Variants in NEMF observed in about 807,000 individuals in gnomAD.
NEMF encodes nuclear export mediator factor, also known as ribosome quality control complex subunit NEMF.
Under a neutral mutation model 162.2 loss-of-function variants are expected in NEMF, and 89 were observed. The observed-to-expected ratio is 0.55, with a 90% confidence interval of 0.46 to 0.65. The LOEUF (loss-of-function observed/expected upper bound fraction) is 0.65. Ranked by LOEUF, NEMF falls within the 30% of genes least tolerant of loss-of-function variation. NEMF has a pLI of 0.00. For missense variants in NEMF, 1,133 were observed against 1,261.9 expected, an observed-to-expected ratio of 0.90 and a Z score of 1.55; for synonymous variants, 421 against 404.5, an observed-to-expected ratio of 1.04 and a Z score of -0.49.
chr14:49,833,783 G>A (rs554633581), intron 7 of NEMF, among the ~76,000 whole-genome samples: 1 of 152,106 alleles, frequency 6.6e-6, no homozygotes, highest in South Asian at 2.1e-4. Flanking sequence ...AATTATTTTT[G>A]GAATCTTTAT....
chr14:49,794,942 T>A (rs1312592638), intron 26 of NEMF, among the ~76,000 whole-genome samples: 1 of 151,986 alleles, frequency 6.6e-6, no homozygotes, highest in Non-Finnish European at 1.5e-5. Context: ...GGTCTTGAAC[T>A]CCTGGCCTCA....
intron 4 of NEMF, among the ~76,000 whole-genome samples, chr14:49,845,506 T>G (rs1893455890): frequency 6.6e-6 from 1 of 152,230 alleles, no homozygotes; most frequent in Non-Finnish European, 1.5e-5. Flanking sequence ...CTTTATAAAC[T>G]TTAAACTTTT....
chr14:49,834,507 G>GT, intron 6 of NEMF, 58 bp from the exon 7 acceptor site: 1 of 1,286,500 alleles, frequency 7.8e-7, no homozygotes, highest in Non-Finnish European at 1.1e-6. Flanking sequence ...TTTTGTTTTT[G>GT]TTTTTTGAGA....
Position 49,838,143 on chromosome 14 carries a change from T to G in NEMF, c.570A>C (p.Leu190Phe). The change falls in exon 6 of 33, where the codon TTA becomes TTC. Residue 190 changes from leucine (L) to phenylalanine (F), a missense_variant. Leu to Phe is a conservative substitution (Grantham distance 22). Around this residue, in one of 3 missense-constraint regions of NEMF, gnomAD observed 582 missense variants for 631.5 expected, o/e 0.92. Transcript: ENST00000298310. ...GCTATTTGCAGGAATACTCACGAAGTAATGGGTTAAGCACCCTCTTCAGTA... is the reference window on the plus strand; with the variant it reads ...GCTATTTGCAGGAATACTCACGAAGGAATGGGTTAAGCACCCTCTTCAGTA... ...GELLKRVLNP[L>F]LPYGPALIEH... The G allele has an allele frequency of 6.2e-7, 1 of 1,610,296 alleles. No individual in the cohort carries two copies. The highest frequency in any genetic ancestry group is 8.5e-7 in the Non-Finnish European group (1 of 1,177,056).
intron 19 of NEMF, 53 bp from the exon 20 acceptor site, chr14:49,803,347 T>C: frequency 7.7e-7 from 1 of 1,299,444 alleles, no homozygotes; most frequent in South Asian, 1.3e-5. Flanking sequence ...ACTCTAGTTT[T>C]CTTTTTCCAC....
At chr14:49,851,743 A>T (rs1002047693) in intron 2 of NEMF, 64 bp downstream of exon 2, 154 of 1,442,784 alleles carry the variant, frequency 1.1e-4, no homozygotes, top group Non-Finnish European at 1.4e-4. Flanking sequence ...AATGTAGGTT[A>T]AAAAAAATCA....
At chr14:49,809,734 C>A (rs576258052) in intron 18 of NEMF, among the ~76,000 whole-genome samples, 16 of 152,186 alleles carry the variant, frequency 1.1e-4, no homozygotes, top group African/African-American at 3.1e-4. Flanking sequence ...GTGGCACGTG[C>A]CTGTTAATTC....
chr14:49,846,529 G>C (rs1893510810), intron 3 of NEMF, among the ~76,000 whole-genome samples: 1 of 152,192 alleles, frequency 6.6e-6, no homozygotes, highest in African/African-American at 2.4e-5. Flanking sequence ...CCAGTGGTGT[G>C]ATCATGGCTC....
chr14:49,818,663 T>C lies in NEMF; in HGVS notation c.1578-3806A>G, dbSNP rs75217352. On this transcript the variant is annotated intron_variant, in intron 16 of 32. Coordinates refer to ENST00000298310, the MANE Select transcript of NEMF (RefSeq NM_004713.6). ...CTAGAAAGGGTATAAAGAAGATCTCTGGACAAGGGTAAATGTGGCACAGCT... is the reference window on the plus strand; with the variant it reads ...CTAGAAAGGGTATAAAGAAGATCTCCGGACAAGGGTAAATGTGGCACAGCT... 4.6e-5 allele frequency among the ~76,000 whole-genome samples: 7 copies of C among 152,242 alleles called. No individual in the cohort carries two copies. The East Asian group carries it at 1.3e-3, about 29-fold the overall frequency.
In NEMF at chr14:49,851,631, C is replaced by T; in HGVS notation, c.163G>A (p.Gly55Ser). 3 of 1,613,826 alleles carry T rather than the reference C, an allele frequency of 1.9e-6. No homozygotes were observed. The highest frequency in any genetic ancestry group is 2.5e-6 in the Non-Finnish European group (3 of 1,179,938). ...AATTCTGTTGTATGAATTCGTATGC[C>T]AGATTCAAGTAAAAGTGTAGCTTTA... ...DFKATLLLES[G>S]IRIHTTEFEW... Residue 55 changes from glycine to serine, a missense_variant, in exon 3 of 33, where the codon GGC (glycine) becomes AGC (serine). Gly to Ser is a moderately conservative substitution (Grantham distance 56). Around this residue, in one of 3 missense-constraint regions of NEMF, gnomAD observed 582 missense variants for 631.5 expected, o/e 0.92. Transcript: ENST00000298310.
chr14:49,838,677 TG>T (rs1893033838), intron 5 of NEMF, among the ~76,000 whole-genome samples: 1 of 150,098 alleles, frequency 6.7e-6, no homozygotes, highest in South Asian at 2.2e-4. Flanking sequence ...CTCCGCCTCC[TG>T]GGTTCACGCC....
In NEMF at chr14:49,796,013, C is replaced by G. The variant is rs1890677115; in HGVS notation, c.2466-69G>C. ...AATTCTTAGTGCCCTAAAAAAGTTC[C>G]ATGGGGAAGGCACATATACAGTATA... On this transcript the variant is annotated intron_variant, in intron 25 of 32. Coordinates refer to ENST00000298310, the MANE Select transcript of NEMF (RefSeq NM_004713.6). 12 of 1,233,626 alleles carry G rather than the reference C, an allele frequency of 9.7e-6. No individual in the cohort carries two copies. The South Asian group carries it at 1.5e-4, about 16-fold the overall frequency. The allele number at this position is 1,233,626 out of a possible 1,614,324, so 76.4% of individuals were successfully genotyped here. A position where few individuals can be genotyped will look rare whatever the true frequency, so the allele number is the denominator to read the frequency against.
At chr14:49,834,163 C>T in intron 7 of NEMF, 200 bp downstream of exon 7, 1 of 585,818 alleles carries the variant, frequency 1.7e-6, no homozygotes, top group Non-Finnish European at 3.1e-6. Flanking sequence ...CAGTCACCAC[C>T]CACTGCAGCC....
intron 16 of NEMF, 110 bp downstream of exon 16, chr14:49,825,757 G>C (rs1892308257): frequency 2.9e-6 from 2 of 687,066 alleles, no homozygotes; most frequent in East Asian, 2.8e-5. Flanking sequence ...AAATTGCAGA[G>C]CTACTGGTTT....
At chr14:49,805,527 CCAA>C (rs1891147603) in intron 19 of NEMF, among the ~76,000 whole-genome samples, 1 of 151,426 alleles carries the variant, frequency 6.6e-6, no homozygotes, top group African/African-American at 2.4e-5. Context: ...CAAAAAAACC[CCAA>C]CAACATCATT....
chr14:49,836,260 C>G (rs1892898219), intron 6 of NEMF, among the ~76,000 whole-genome samples: 2 of 152,160 alleles, frequency 1.3e-5, no homozygotes, highest in Non-Finnish European at 2.9e-5. Context: ...GCCTGGGCAA[C>G]AGAATGAGAT....
intron 32 of NEMF, 55 bp from the exon 33 acceptor site, chr14:49,784,768 CT>C: frequency 6.6e-7 from 1 of 1,516,488 alleles, no homozygotes; most frequent in Non-Finnish European, 9.1e-7. Context: ...AATCATGTTT[CT>C]TTTATGACAA....
chr14:49,843,870 G>A (rs1311880222), intron 4 of NEMF, among the ~76,000 whole-genome samples: 6 of 152,170 alleles, frequency 3.9e-5, no homozygotes, highest in Non-Finnish European at 5.9e-5. Flanking sequence ...AGGCCAAGGC[G>A]AGCAGATCAC....
At chr14:49,805,544 C>T (rs1452610422) in intron 19 of NEMF, among the ~76,000 whole-genome samples, 1 of 151,166 alleles carries the variant, frequency 6.6e-6, no homozygotes, top group Non-Finnish European at 1.5e-5. Flanking sequence ...CATCATTAAC[C>T]ACAAAGAAGG....
Sources: allele counts gnomAD v4.1 joint callset (sites outside exome capture counted in the v4.1 genomes callset), GRCh38; gene constraint gnomAD v4.1.1; regional missense constraint gnomAD v4.1.1; transcripts MANE v1.5; gene names NCBI Gene and HGNC (gene_info 2026-07-23, HGNC 2026-07-21).